Variants in NRG1 observed in about 807,000 individuals in gnomAD.
NRG1 encodes neuregulin 1.
Under a neutral mutation model 63.8 loss-of-function variants are expected in NRG1, and 18 were observed. The observed-to-expected ratio is 0.28, with a 90% CI of 0.19 to 0.42. NRG1 has a LOEUF of 0.42. Ranked by LOEUF, NRG1 falls within the 10% of genes least tolerant of loss-of-function variation. The pLI is 1.00. For synonymous variants in NRG1, 302 were observed against 301.3 expected, an observed-to-expected ratio of 1.00 and a Z score of -0.02; for missense variants, 762 against 814.7, an observed-to-expected ratio of 0.94 and a Z score of 0.79.
At chr8:32,460,173 A>G (rs1271351040) in intron 1 of NRG1, among the ~76,000 whole-genome samples, 1 of 152,252 alleles carries the variant, frequency 6.6e-6, no homozygotes, top group East Asian at 1.9e-4. Flanking sequence ...AATAAACATA[A>G]GAGTGAATGA....
chr8:32,740,761 G>A (rs932195401), intron 6 of NRG1, among the ~76,000 whole-genome samples: 2 of 152,134 alleles, frequency 1.3e-5, no homozygotes, highest in Admixed American at 6.6e-5. Flanking sequence ...TGGTGAATTG[G>A]TTTGAAGGGA....
intron 1 of NRG1, among the ~76,000 whole-genome samples, chr8:31,883,897 A>G (rs181093044): frequency 5.4e-4 from 82 of 152,238 alleles, no homozygotes; most frequent in African/African-American, 1.9e-3. Flanking sequence ...GTAACATCTT[A>G]GCATCTTTGG....
intron 1 of NRG1, among the ~76,000 whole-genome samples, chr8:32,102,404 C>T (rs144848397): frequency 0.013 from 1,951 of 152,238 alleles, 47 homozygotes; most frequent in African/African-American, 0.045. Context: ...TCCCAGAGTG[C>T]TGGGATTACA....
At chr8:32,620,249 C>T (rs1848089004) in intron 5 of NRG1, among the ~76,000 whole-genome samples, 1 of 152,106 alleles carries the variant, frequency 6.6e-6, no homozygotes, top group African/African-American at 2.4e-5. Context: ...ATTTGAAAAG[C>T]GAACTCTGCT....
At chr8:32,061,207 A>G (rs1000065391) in intron 1 of NRG1, among the ~76,000 whole-genome samples, 1 of 151,982 alleles carries the variant, frequency 6.6e-6, no homozygotes, top group Non-Finnish European at 1.5e-5. Flanking sequence ...CACAAAATCT[A>G]TTATCAATGA....
At chr8:32,588,224 T>G (rs188224721) in intron 1 of NRG1, among the ~76,000 whole-genome samples, 1 of 152,268 alleles carries the variant, frequency 6.6e-6, no homozygotes, top group Admixed American at 6.5e-5. Context: ...CGCCCAGCCC[T>G]CTACATGTTT....
chr8:32,763,760 C>A lies in NRG1; in HGVS notation c.1272C>A (p.Ala424=), dbSNP rs759295195. The A allele has an allele frequency of 3.9e-6, 6 of 1,554,148 alleles. No individual in the cohort carries two copies. The South Asian group carries it at 6.2e-5, about 16-fold the overall frequency. Reference sequence around the variant, plus strand: ...TGTGCTCACACAGGTATGTGTCAGCCATGACCACCCCGGCTCGTATGTCAC... The same window carrying A: ...TGTGCTCACACAGGTATGTGTCAGCAATGACCACCCCGGCTCGTATGTCAC... Residue 424 remains alanine, a synonymous_variant, in exon 12 of 12, where the codon GCC becomes GCA. Coordinates refer to ENST00000356819, the Ensembl canonical transcript of NRG1.
intron 1 of NRG1, among the ~76,000 whole-genome samples, chr8:32,304,400 C>CTCCAATTG (rs1257221646): frequency 6.6e-6 from 1 of 152,026 alleles, no homozygotes; most frequent in East Asian, 1.9e-4. Flanking sequence ...AATTTGAAAA[C>CTCCAATTG]TCCAATTGTG....
At chr8:32,279,695 G>A (rs753766653) in intron 1 of NRG1, among the ~76,000 whole-genome samples, 3 of 152,212 alleles carry the variant, frequency 2.0e-5, no homozygotes, top group Non-Finnish European at 4.4e-5. Flanking sequence ...CACAATGTTA[G>A]TAAGTGGTAG....
At chr8:32,214,226 C>T (rs915982819) in intron 1 of NRG1, among the ~76,000 whole-genome samples, 1 of 152,090 alleles carries the variant, frequency 6.6e-6, no homozygotes, top group Non-Finnish European at 1.5e-5. Flanking sequence ...ATTCTGTCTT[C>T]ACATCAAAAT....
chr8:31,947,658 T>A (rs932790149), intron 1 of NRG1, among the ~76,000 whole-genome samples: 1 of 151,968 alleles, frequency 6.6e-6, no homozygotes, highest in African/African-American at 2.4e-5. Context: ...AAATACCACT[T>A]AATGGCTGGG....
At chr8:32,381,589 T>A (rs1810362379) in intron 1 of NRG1, among the ~76,000 whole-genome samples, 2 of 152,200 alleles carry the variant, frequency 1.3e-5, no homozygotes, top group Admixed American at 1.3e-4. Context: ...TCTAGAAGAC[T>A]GATAATACTG....
intron 1 of NRG1, among the ~76,000 whole-genome samples, chr8:32,403,324 GAAAA>G (rs1813493231): frequency 6.5e-5 from 9 of 138,398 alleles, no homozygotes; most frequent in African/African-American, 2.1e-4. Flanking sequence ...AAAAAAGAAA[GAAAA>G]AAGAAATGAG....
At chr8:32,625,340 CT>C (rs1432782764) in intron 5 of NRG1, among the ~76,000 whole-genome samples, 2 of 152,212 alleles carry the variant, frequency 1.3e-5, no homozygotes, top group Non-Finnish European at 2.9e-5. Flanking sequence ...CTATGCTCAT[CT>C]TTATTCAAGT....
At chr8:32,040,590 TG>T (rs1819779753) in intron 1 of NRG1, among the ~76,000 whole-genome samples, 1 of 150,622 alleles carries the variant, frequency 6.6e-6, no homozygotes, top group Non-Finnish European at 1.5e-5. Flanking sequence ...TGTGTGTGTG[TG>T]TGTATATGTA....
At chr8:32,734,082 G>A (rs1824402293) in intron 6 of NRG1, among the ~76,000 whole-genome samples, 1 of 152,174 alleles carries the variant, frequency 6.6e-6, no homozygotes, top group Non-Finnish European at 1.5e-5. Context: ...GTAACATCTG[G>A]AGCAGAAGAG....
chr8:32,760,127 T>C, intron 10 of NRG1, 73 bp from the exon 11 acceptor site: 1 of 1,549,722 alleles, frequency 6.5e-7, no homozygotes, highest in Non-Finnish European at 8.9e-7. Context: ...CAGAATCCAT[T>C]CCTTTCATTT....
intron 1 of NRG1, among the ~76,000 whole-genome samples, chr8:32,268,206 A>G (rs767832559): frequency 1.3e-5 from 2 of 152,196 alleles, no homozygotes; most frequent in Non-Finnish European, 2.9e-5. Context: ...TGAGCCTCAA[A>G]TGAGACTGCA....
chr8:31,965,888 T>C (rs1019562245), intron 1 of NRG1, among the ~76,000 whole-genome samples: 1 of 152,166 alleles, frequency 6.6e-6, no homozygotes, highest in Non-Finnish European at 1.5e-5. Flanking sequence ...ATCTCATGTA[T>C]TCATTTATAA....
Sources: gnomAD v4.1 joint callset for allele counts (sites outside exome capture counted in the v4.1 genomes callset) on GRCh38, gnomAD v4.1.1 for gene constraint, MANE v1.5 for transcripts, NCBI Gene and HGNC (gene_info 2026-07-23, HGNC 2026-07-21) for gene names.